The following HS6ST1 variants were observed in gnomAD, a reference collection of about 807,000 sequenced individuals.
HS6ST1 encodes heparan-sulfate 6-O-sulfotransferase 1.
Under a neutral mutation model 25.2 loss-of-function variants are expected in HS6ST1, and 3 were observed. The ratio of observed to expected loss-of-function variants is 0.12; its 90% CI spans 0.05 to 0.31. The LOEUF (loss-of-function observed/expected upper bound fraction) is 0.31, where lower values mean the gene tolerates loss of function less well. Ranked by LOEUF, HS6ST1 falls within the 10% of genes least tolerant of loss-of-function variation. The pLI is 1.00. For missense variants in HS6ST1, 310 were observed against 609.6 expected (o/e 0.51, Z 5.18); for synonymous variants, 204 against 275.1 (o/e 0.74, Z 2.56).
At chr2:128,280,368 G>C (rs1482449609) in intron 1 of HS6ST1, among the ~76,000 whole-genome samples, 1 of 152,208 alleles carries the variant, frequency 6.6e-6, no homozygotes, top group Admixed American at 6.5e-5. Flanking sequence ...TTCTGAGAGG[G>C]GGCACCTGCA....
At chr2:128,308,309 C>T (rs187037778) in intron 1 of HS6ST1, among the ~76,000 whole-genome samples, 1 of 152,208 alleles carries the variant, frequency 6.6e-6, no homozygotes, top group Admixed American at 6.5e-5. Flanking sequence ...CCCAGTTACA[C>T]CCCTGGAGAT....
At chr2:128,279,604 T>G (rs1693748448) in intron 1 of HS6ST1, among the ~76,000 whole-genome samples, 1 of 152,086 alleles carries the variant, frequency 6.6e-6, no homozygotes, top group Non-Finnish European at 1.5e-5. Context: ...CCATGAAGGT[T>G]GCATCTCAGT....
Position 128,277,817 on chromosome 2 carries a change from T to C in HS6ST1, c.528-8947A>G, listed in dbSNP as rs536100897. Among the ~76,000 whole-genome samples, 10 of 152,396 alleles carry C rather than the reference T, an allele frequency of 6.6e-5. No homozygotes were observed. The East Asian group carries it at 1.9e-3, about 29-fold the overall frequency. ...CTCGAAATGCGCTATGAAATAATTCTAGTCTGCACGAACTGCAGCTTCTTG... is the reference window on the plus strand; with the variant it reads ...CTCGAAATGCGCTATGAAATAATTCCAGTCTGCACGAACTGCAGCTTCTTG... On this transcript the variant is annotated intron_variant, in intron 1 of 1. Transcript: ENST00000259241.
intron 1 of HS6ST1, among the ~76,000 whole-genome samples, chr2:128,292,739 G>A (rs538871688): frequency 8.4e-4 from 128 of 152,214 alleles, no homozygotes; most frequent in African/African-American, 3.0e-3. Flanking sequence ...CGGGGGGAAT[G>A]GGGCGGAGGG....
chr2:128,313,940 T>TAAA (rs59138336), intron 1 of HS6ST1, among the ~76,000 whole-genome samples: 8 of 138,124 alleles, frequency 5.8e-5, no homozygotes, highest in African/African-American at 1.6e-4. Context: ...TGTGTTTGCT[T>TAAA]AAAAAAAAAA....
chr2:128,288,837 A>C (rs1480743995), intron 1 of HS6ST1, among the ~76,000 whole-genome samples: 1 of 152,022 alleles, frequency 6.6e-6, no homozygotes, highest in Non-Finnish European at 1.5e-5. Context: ...CGGGGTCAGG[A>C]GGGCGAGAGC....
At chr2:128,277,043 GCCACACTGGAAGGAA>G (rs1693706866) in intron 1 of HS6ST1, among the ~76,000 whole-genome samples, 1 of 152,136 alleles carries the variant, frequency 6.6e-6, no homozygotes, top group Admixed American at 6.5e-5. Context: ...ATGCTCCGTG[GCCACACTGGAAGGAA>G]CCACAGGTCC....
chr2:128,299,289 C>T (rs1273448408), intron 1 of HS6ST1, among the ~76,000 whole-genome samples: 1 of 152,270 alleles, frequency 6.6e-6, no homozygotes, highest in Non-Finnish European at 1.5e-5. Context: ...AAGGAGCAAA[C>T]TGAGGCCACA....
At chr2:128,296,777 G>A (rs904876522) in intron 1 of HS6ST1, among the ~76,000 whole-genome samples, 1 of 152,216 alleles carries the variant, frequency 6.6e-6, no homozygotes, top group African/African-American at 2.4e-5. Flanking sequence ...CTATCATTAA[G>A]ATGTAAATAC....
At chr2:128,299,624 C>T (rs1694092652) in intron 1 of HS6ST1, among the ~76,000 whole-genome samples, 1 of 152,328 alleles carries the variant, frequency 6.6e-6, no homozygotes, top group Admixed American at 6.5e-5. Context: ...CACAGTGGAT[C>T]TCTGTCTTTG....
At chr2:128,311,554 C>A (rs949172027) in intron 1 of HS6ST1, among the ~76,000 whole-genome samples, 5 of 152,252 alleles carry the variant, frequency 3.3e-5, no homozygotes, top group African/African-American at 1.2e-4. Context: ...CCCAGTCCTG[C>A]TGCCTCCGTG....
At chr2:128,302,238 G>A (rs1036652153) in intron 1 of HS6ST1, among the ~76,000 whole-genome samples, 1 of 152,196 alleles carries the variant, frequency 6.6e-6, no homozygotes, top group Admixed American at 6.5e-5. Context: ...TGACTCACTG[G>A]CCGCCTGCTA....
chr2:128,310,179 C>T (rs1694267551), intron 1 of HS6ST1, among the ~76,000 whole-genome samples: 1 of 152,230 alleles, frequency 6.6e-6, no homozygotes, highest in Non-Finnish European at 1.5e-5. Context: ...CCTGAGCAGG[C>T]AGCTGAATCC....
intron 1 of HS6ST1, among the ~76,000 whole-genome samples, chr2:128,274,296 C>T (rs1454573413): frequency 6.6e-6 from 1 of 152,084 alleles, no homozygotes; most frequent in Non-Finnish European, 1.5e-5. Flanking sequence ...AAAAGTTGAC[C>T]CTTGAAGCAT....
chr2:128,313,267 A>G (rs1032694730), intron 1 of HS6ST1, among the ~76,000 whole-genome samples: 2 of 152,216 alleles, frequency 1.3e-5, no homozygotes, highest in African/African-American at 4.8e-5. Context: ...GCTATGCAGA[A>G]CATTTACACA....
intron 1 of HS6ST1, among the ~76,000 whole-genome samples, chr2:128,313,497 C>T (rs1009343387): frequency 3.9e-5 from 6 of 152,126 alleles, no homozygotes; most frequent in African/African-American, 1.4e-4. Context: ...TTCCTTTTCT[C>T]CCTCTGCCTC....
At chr2:128,292,533 G>A (rs1693972320) in intron 1 of HS6ST1, among the ~76,000 whole-genome samples, 1 of 152,174 alleles carries the variant, frequency 6.6e-6, no homozygotes, top group Non-Finnish European at 1.5e-5. Flanking sequence ...GCATCCCGGC[G>A]AGGATGTGGA....
intron 1 of HS6ST1, among the ~76,000 whole-genome samples, chr2:128,290,817 C>CAAAAAAAAAAAAAAAAAAAA (rs57754041): frequency 3.3e-5 from 2 of 60,548 alleles, no homozygotes; most frequent in African/African-American, 1.4e-4. Context: ...ACTAAAAATA[C>CAAAAAAAAAAAAAAAAAAAA]AAAAAAAAAA....
chr2:128,275,062 A>G (rs1693673199), intron 1 of HS6ST1, among the ~76,000 whole-genome samples: 1 of 150,882 alleles, frequency 6.6e-6, no homozygotes, highest in Admixed American at 6.6e-5. Context: ...AATGAATGGT[A>G]GGTGTGTGGC....
Sources: allele counts gnomAD v4.1 joint callset (sites outside exome capture counted in the v4.1 genomes callset), GRCh38; gene constraint gnomAD v4.1.1; transcripts MANE v1.5; gene names NCBI Gene and HGNC (gene_info 2026-07-23, HGNC 2026-07-21).